CNTN5: variants seen among roughly 807,000 people sequenced by gnomAD.
CNTN5 encodes the protein contactin 5, also known as contactin-5.
Under a neutral mutation model 129.1 loss-of-function variants are expected in CNTN5, and 77 were observed. The observed-to-expected ratio is 0.60, with a 90% CI of 0.50 to 0.72. The LOEUF (loss-of-function observed/expected upper bound fraction) is 0.72. Ranked by LOEUF, CNTN5 falls within the 30% of genes least tolerant of loss-of-function variation. The probability of loss-of-function intolerance (pLI) is 0.00; values close to 1 mark genes in which losing one functional copy is unlikely to be tolerated. For missense variants in CNTN5, 1,478 were observed against 1,328.8 expected (o/e 1.11, Z -1.75); for synonymous variants, 509 against 465.6 (o/e 1.09, Z -1.20).
intron 13 of CNTN5, among the ~76,000 whole-genome samples, chr11:100,119,039 G>A: frequency 7.0e-6 from 1 of 141,882 alleles, no homozygotes; most frequent in African/African-American, 2.8e-5. Context: ...TAAAAGACTG[G>A]TTCAAAAAAA....
chr11:99,034,259 G>C (rs1863574732), intron 1 of CNTN5, among the ~76,000 whole-genome samples: 1 of 152,098 alleles, frequency 6.6e-6, no homozygotes, highest in African/African-American at 2.4e-5. Flanking sequence ...GCCCGGCTTT[G>C]GTATCAGGAT....
At chr11:100,292,250 A>C (rs1392081048) in intron 18 of CNTN5, among the ~76,000 whole-genome samples, 1 of 152,028 alleles carries the variant, frequency 6.6e-6, no homozygotes, top group African/African-American at 2.4e-5. Context: ...CATGGGTGTT[A>C]AATGTTCAAC....
chr11:99,116,454 G>A (rs1275173097), intron 1 of CNTN5, among the ~76,000 whole-genome samples: 3 of 152,122 alleles, frequency 2.0e-5, no homozygotes, highest in East Asian at 3.9e-4. Flanking sequence ...TATGTGCTTC[G>A]TGGTATAGCT....
chr11:99,844,144 G>C (rs1281355842), intron 4 of CNTN5, among the ~76,000 whole-genome samples: 1 of 152,196 alleles, frequency 6.6e-6, no homozygotes, highest in Non-Finnish European at 1.5e-5. Flanking sequence ...ATAGAATCGA[G>C]TGTCTGGTAT....
chr11:99,590,441 C>T (rs559078815), intron 3 of CNTN5, among the ~76,000 whole-genome samples: 1 of 152,166 alleles, frequency 6.6e-6, no homozygotes, highest in South Asian at 2.1e-4. Flanking sequence ...CCTCAAATGG[C>T]AATGATATTA....
rs769361742 is a variant in CNTN5, at chr11:100,341,111, G to A, written c.2936G>A (p.Ser979Asn). 1.9e-6 allele frequency: 3 copies of A among 1,613,526 alleles called. No individual in the cohort carries two copies. The highest frequency in any genetic ancestry group is 2.5e-6 in the Non-Finnish European group (3 of 1,179,502). The part of the protein sequence containing the change: ...TKKSPPSQAP[S>N]NLRWEQQGSQ... The stretch of plus-strand genomic sequence containing the variant: ...TTTGCAGCTCCTAGTCAAGCACCTA[G>A]CAACCTCAGGTGGGAGCAGCAAGGC... The change falls in exon 23 of 25, where the codon AGC becomes AAC. Residue 979 changes from serine to asparagine, a missense_variant. Ser to Asn is a conservative substitution (Grantham distance 46, BLOSUM62 1). Coordinates refer to ENST00000524871, the MANE Select transcript of CNTN5 (RefSeq NM_014361.4).
intron 3 of CNTN5, among the ~76,000 whole-genome samples, chr11:99,709,550 A>G (rs983807992): frequency 3.3e-5 from 5 of 151,880 alleles, no homozygotes; most frequent in African/African-American, 7.2e-5. Context: ...GCATAATTGT[A>G]TATATAAACC....
chr11:99,420,172 T>C (rs764062872), intron 2 of CNTN5, among the ~76,000 whole-genome samples: 2 of 152,118 alleles, frequency 1.3e-5, no homozygotes, highest in Non-Finnish European at 2.9e-5. Context: ...ACTGGTACGG[T>C]GGTTTGGTTC....
intron 3 of CNTN5, among the ~76,000 whole-genome samples, chr11:99,790,480 C>T (rs1293193338): frequency 1.3e-5 from 2 of 152,064 alleles, no homozygotes; most frequent in African/African-American, 2.4e-5. Flanking sequence ...GCTCCATCCA[C>T]ATTGCTACAA....
chr11:99,985,716 G>C (rs1167284647), intron 8 of CNTN5, among the ~76,000 whole-genome samples: 2 of 152,276 alleles, frequency 1.3e-5, no homozygotes, highest in East Asian at 3.9e-4. Flanking sequence ...TTAGACATTA[G>C]TGAGTAAAGC....
intron 7 of CNTN5, among the ~76,000 whole-genome samples, chr11:99,927,104 T>G (rs1378490143): frequency 6.6e-6 from 1 of 152,196 alleles, no homozygotes; most frequent in East Asian, 1.9e-4. Flanking sequence ...TGAGTTATAT[T>G]ATTTGGACAC....
chr11:99,907,477 A>G (rs934881530), intron 6 of CNTN5, among the ~76,000 whole-genome samples: 1 of 151,810 alleles, frequency 6.6e-6, no homozygotes, highest in African/African-American at 2.4e-5. Context: ...GTTGCCTATT[A>G]TTTTCCAAAA....
At chr11:99,432,464 C>CTTTTCTTTTCTTTTCTTTTCTTTT (rs1555143589) in intron 2 of CNTN5, among the ~76,000 whole-genome samples, 1 of 116,376 alleles carries the variant, frequency 8.6e-6, no homozygotes, top group African/African-American at 3.2e-5. Flanking sequence ...TCTTTTCTTT[C>CTTTTCTTTTCTTTTCTTTTCTTTT]CTTTTCTTTT....
intron 1 of CNTN5, among the ~76,000 whole-genome samples, chr11:99,024,796 T>TA (rs57209615): frequency 1.9e-3 from 281 of 151,640 alleles, no homozygotes; most frequent in African/African-American, 6.5e-3. Context: ...TTTATGGAAA[T>TA]AAAAAAAAGA....
rs537511899 is a variant in CNTN5, at chr11:99,568,509, T to C, written c.55+12240T>C. 3.5e-4 allele frequency among the ~76,000 whole-genome samples: 54 copies of C among 152,356 alleles called. No individual in the cohort carries two copies. In the Middle Eastern group the frequency reaches 0.017, roughly 48 times the overall value. On this transcript the variant is annotated intron_variant, in intron 3 of 24. Transcript: ENST00000524871. Reference sequence around the variant, plus strand: ...CCTCTATGCAGTCATTTGAATAATTTGTGAGCAAGAAAACAGCTTATTTTC... The same window carrying C: ...CCTCTATGCAGTCATTTGAATAATTCGTGAGCAAGAAAACAGCTTATTTTC...
intron 8 of CNTN5, among the ~76,000 whole-genome samples, chr11:99,984,694 T>C (rs1486107454): frequency 6.6e-6 from 1 of 152,206 alleles, no homozygotes; most frequent in African/African-American, 2.4e-5. Flanking sequence ...ATAGCATGTA[T>C]ACAGGCTCAT....
chr11:99,595,627 G>A (rs551581153), intron 3 of CNTN5, among the ~76,000 whole-genome samples: 2 of 152,082 alleles, frequency 1.3e-5, no homozygotes, highest in African/African-American at 4.8e-5. Context: ...CACAGTTTAT[G>A]TATGAATTAC....
chr11:99,537,894 T>C (rs936293286), intron 2 of CNTN5, among the ~76,000 whole-genome samples: 1 of 152,186 alleles, frequency 6.6e-6, no homozygotes, highest in Non-Finnish European at 1.5e-5. Flanking sequence ...ATTAATGGCC[T>C]AGAAGACTTC....
intron 4 of CNTN5, among the ~76,000 whole-genome samples, chr11:99,820,827 T>C (rs1946778917): frequency 6.6e-6 from 1 of 152,254 alleles, no homozygotes. Flanking sequence ...CATTTATGAC[T>C]GATGAAAGAA....
Sources: gnomAD v4.1 joint callset for allele counts (sites outside exome capture counted in the v4.1 genomes callset) on GRCh38, gnomAD v4.1.1 for gene constraint, MANE v1.5 for transcripts, NCBI Gene and HGNC (gene_info 2026-07-23, HGNC 2026-07-21) for gene names.